Variants in ENOX1 observed in about 807,000 individuals in gnomAD.
ENOX1 encodes the protein ecto-NOX disulfide-thiol exchanger 1, also known as candidate growth-related and time keeping constitutive hydroquinone (NADH) oxidase.
Under a neutral mutation model 82.5 loss-of-function variants are expected in ENOX1, and 42 were observed. The ratio of observed to expected loss-of-function variants is 0.51; its 90% CI spans 0.40 to 0.66. The LOEUF (loss-of-function observed/expected upper bound fraction) is 0.66. Ranked by LOEUF, ENOX1 falls within the 30% of genes least tolerant of loss-of-function variation. ENOX1 has a pLI of 0.00. For synonymous variants in ENOX1, 271 were observed against 282.2 expected (o/e 0.96, Z 0.40); for missense variants, 608 against 811.6 (o/e 0.75, Z 3.05).
Position 43,298,355 on chromosome 13 carries a change from G to A in ENOX1, c.1437C>T (p.Gly479=). Residue 479 remains glycine, a synonymous_variant, in exon 12 of 17, where the codon GGC becomes GGT. Transcript: ENST00000690772. ...QLQFLQQTMQ[G]MQQQLLTIQE... is the part of the protein sequence containing the mutation. ...AATCTGGGCCAGGTACCTGCTGCAT[G>A]CCTTGCATGGTTTGCTGCAGAAACT... 6.2e-7 allele frequency: 1 copy of A among 1,607,334 alleles called. No individual in the cohort carries two copies.
chr13:43,225,548 G>A (rs1200435650), intron 15 of ENOX1, among the ~76,000 whole-genome samples: 1 of 152,202 alleles, frequency 6.6e-6, no homozygotes, highest in Non-Finnish European at 1.5e-5. Context: ...CTTCATGCTT[G>A]GGAGCCAGGG....
chr13:43,388,916 GA>G (rs1286669185), intron 5 of ENOX1, among the ~76,000 whole-genome samples: 3 of 151,386 alleles, frequency 2.0e-5, no homozygotes, highest in Admixed American at 6.6e-5. Context: ...GAAAAGAACA[GA>G]AAAAAAACCA....
In ENOX1 at chr13:43,471,809, C is replaced by CAAAAAAA. The variant is rs5803181; in HGVS notation, c.-75+12193_-75+12199dup. Among the ~76,000 whole-genome samples the CAAAAAAA allele has an allele frequency of 6.4e-5, 8 of 124,532 alleles. No individual in the cohort carries two copies. In the East Asian group the frequency reaches 8.3e-4, roughly 13 times the overall value. 81.7% of individuals were successfully genotyped at this position (124,532 alleles called of 152,430 possible). A position where few individuals can be genotyped will look rare whatever the true frequency, so the allele number is the denominator to read the frequency against. On this transcript the variant is annotated intron_variant, in intron 3 of 16. Transcript: ENST00000690772. Reference sequence around the variant, plus strand: ...TGGGTGACAGAGCGAGACTCCGTCTCAAAAAAAAAAAAAAAAAAAAGAAAG... The same window carrying CAAAAAAA: ...TGGGTGACAGAGCGAGACTCCGTCTCAAAAAAAAAAAAAAAAAAAAAAAAAAAGAAAG...
chr13:43,756,391 C>T (rs1950637484), intron 1 of ENOX1, among the ~76,000 whole-genome samples: 1 of 150,820 alleles, frequency 6.6e-6, no homozygotes, highest in Admixed American at 6.6e-5. Context: ...CGGGATCGTA[C>T]CACTGCACTC....
Position 43,646,047 on chromosome 13 carries a change from G to C in ENOX1, c.-219+21432C>G, listed in dbSNP as rs555817904. ...TGTGCCAGAAACAGTTTATAAGACT[G>C]GTTATTTCCTAAACTCTGTGTTCCT... On this transcript the variant is annotated intron_variant, in intron 2 of 16. Coordinates refer to ENST00000690772, the MANE Select transcript of ENOX1 (RefSeq NM_001347969.2). Among the ~76,000 whole-genome samples the C allele has an allele frequency of 1.1e-3, 170 of 152,290 alleles. 1 individual carries two copies. Among genetic ancestry groups the C allele is most frequent in the African/African-American group, 3.8e-3 (160 of 41,572 alleles).
intron 5 of ENOX1, among the ~76,000 whole-genome samples, chr13:43,375,652 T>C (rs988928753): frequency 6.6e-6 from 1 of 152,142 alleles, no homozygotes; most frequent in African/African-American, 2.4e-5. Flanking sequence ...CTCTGAATAG[T>C]ATGTGGACTT....
At chr13:43,743,403 G>A (rs1055529618) in intron 1 of ENOX1, among the ~76,000 whole-genome samples, 1 of 152,194 alleles carries the variant, frequency 6.6e-6, no homozygotes, top group African/African-American at 2.4e-5. Context: ...TTCACTGGAA[G>A]ACAAAGGAGC....
Position 43,606,722 on chromosome 13 carries a change from C to T in ENOX1, c.-219+60757G>A, listed in dbSNP as rs116493645. Among the ~76,000 whole-genome samples, 999 of 152,014 alleles carry T rather than the reference C, an allele frequency of 6.6e-3. 8 individuals are homozygous for T. Among genetic ancestry groups the T allele is most frequent in the African/African-American group, 0.023 (968 of 41,478 alleles). On this transcript the variant is annotated intron_variant, in intron 2 of 16. Coordinates refer to ENST00000690772, the MANE Select transcript of ENOX1 (RefSeq NM_001347969.2). ...TATAATTAGATAGAATGAATAAGAT[C>T]TAGTATTTGATGGCAGGGCATGGTG...
At chr13:43,366,435 T>G (rs969714503) in intron 5 of ENOX1, among the ~76,000 whole-genome samples, 2 of 152,168 alleles carry the variant, frequency 1.3e-5, no homozygotes, top group African/African-American at 4.8e-5. Flanking sequence ...CCACCATGCC[T>G]GGCTAATTTT....
At chr13:43,640,683 C>T (rs981671915) in intron 2 of ENOX1, among the ~76,000 whole-genome samples, 1 of 152,176 alleles carries the variant, frequency 6.6e-6, no homozygotes, top group Non-Finnish European at 1.5e-5. Context: ...CCCACCTACA[C>T]AAAGAGTACC....
At chr13:43,450,526 G>A (rs1049181411) in intron 3 of ENOX1, among the ~76,000 whole-genome samples, 2 of 152,108 alleles carry the variant, frequency 1.3e-5, no homozygotes, top group African/African-American at 4.8e-5. Context: ...GAGGAAATAC[G>A]GGGAAAATGT....
chr13:43,448,615 T>A (rs2056787205), intron 3 of ENOX1, among the ~76,000 whole-genome samples: 1 of 152,214 alleles, frequency 6.6e-6, no homozygotes, highest in Non-Finnish European at 1.5e-5. Flanking sequence ...TACAGTTCTT[T>A]TTTTTCTCCC....
At chr13:43,245,082 T>A (rs2043017608) in intron 14 of ENOX1, among the ~76,000 whole-genome samples, 1 of 152,186 alleles carries the variant, frequency 6.6e-6, no homozygotes, top group Middle Eastern at 3.2e-3. Flanking sequence ...AATGGAGATA[T>A]CCCTTCACAC....
intron 13 of ENOX1, among the ~76,000 whole-genome samples, chr13:43,268,501 A>G (rs1306185383): frequency 2.0e-5 from 3 of 152,168 alleles, no homozygotes; most frequent in African/African-American, 7.2e-5. Context: ...TAATATCTGT[A>G]CTTTTCTCTC....
chr13:43,216,839 C>T (rs568120706), intron 16 of ENOX1, among the ~76,000 whole-genome samples: 8 of 152,264 alleles, frequency 5.3e-5, no homozygotes, highest in East Asian at 1.9e-4. Flanking sequence ...TTAAATATAA[C>T]GTGTAGGAGG....
chr13:43,542,888 T>C (rs912277922), intron 2 of ENOX1, among the ~76,000 whole-genome samples: 7 of 152,120 alleles, frequency 4.6e-5, no homozygotes, highest in African/African-American at 1.4e-4. Context: ...TAGACGGCTG[T>C]CTCCTTGCTG....
At chr13:43,526,548 A>AAGCAG in intron 2 of ENOX1, among the ~76,000 whole-genome samples, 1 of 152,232 alleles carries the variant, frequency 6.6e-6, no homozygotes. Flanking sequence ...AAACAGAGAA[A>AAGCAG]AGCAGTGTTT....
intron 1 of ENOX1, among the ~76,000 whole-genome samples, chr13:43,756,838 G>C (rs2153833721): frequency 6.6e-6 from 1 of 151,932 alleles, no homozygotes; most frequent in East Asian, 1.9e-4. Flanking sequence ...AGCCATCCTG[G>C]ATATGTCACA....
chr13:43,474,423 G>A (rs533440282), intron 3 of ENOX1, among the ~76,000 whole-genome samples: 3 of 152,238 alleles, frequency 2.0e-5, no homozygotes, highest in African/African-American at 7.2e-5. Context: ...CAAGTATTAA[G>A]AGCACACTTG....
Sources: gnomAD v4.1 joint callset for allele counts (sites outside exome capture counted in the v4.1 genomes callset) on GRCh38, gnomAD v4.1.1 for gene constraint, MANE v1.5 for transcripts, NCBI Gene and HGNC (gene_info 2026-07-23, HGNC 2026-07-21) for gene names.